The following IFT140 variants were observed in gnomAD, a reference collection of about 807,000 sequenced individuals.
IFT140 encodes the protein intraflagellar transport 140, also known as intraflagellar transport protein 140 homolog.
IFT140 carries 133 observed loss-of-function variants against 164.6 expected under a neutral mutation model. The ratio of observed to expected loss-of-function variants is 0.81; its 90% CI spans 0.70 to 0.93. The LOEUF (loss-of-function observed/expected upper bound fraction) is 0.93, where lower values mean the gene tolerates loss of function less well. IFT140 is among the 40% of genes least tolerant of loss of function. IFT140 has a pLI of 0.00. For missense variants in IFT140, 2,045 were observed against 1,972.3 expected, an observed-to-expected ratio of 1.04 and a Z score of -0.70; for synonymous variants, 860 against 817.3, an observed-to-expected ratio of 1.05 and a Z score of -0.89.
At chr16:1,541,831 CA>C in intron 19 of IFT140, 1 of 1,445,404 alleles carries the variant, frequency 6.9e-7, no homozygotes. Context: ...CTTTCCGAGG[CA>C]AACAGAGACC....
chr16:1,597,762 G>A (rs1348853473), intron 4 of IFT140, among the ~76,000 whole-genome samples: 1 of 152,108 alleles, frequency 6.6e-6, no homozygotes, highest in Non-Finnish European at 1.5e-5. Flanking sequence ...TTTTATGCCT[G>A]GATAATCTAT....
intron 13 of IFT140, among the ~76,000 whole-genome samples, chr16:1,571,999 T>C (rs1008453795): frequency 6.6e-6 from 1 of 152,148 alleles, no homozygotes; most frequent in Non-Finnish European, 1.5e-5. Flanking sequence ...TTACGTTGTG[T>C]CACGTGAATG....
At chr16:1,517,864 G>T (rs1319220773) in intron 30 of IFT140, among the ~76,000 whole-genome samples, 2 of 151,990 alleles carry the variant, frequency 1.3e-5, no homozygotes, top group East Asian at 1.9e-4. Flanking sequence ...TTGAGACAGG[G>T]TCTCGCTCTG....
At chr16:1,540,353 CACTCACG>C (rs1387607436) in intron 19 of IFT140, among the ~76,000 whole-genome samples, 1 of 152,230 alleles carries the variant, frequency 6.6e-6, no homozygotes, top group Admixed American at 6.5e-5. Context: ...ACCACGTAAA[CACTCACG>C]AAGTAAAGCA....
chr16:1,592,635 C>A (rs199728113), intron 4 of IFT140, 47 bp from the exon 5 acceptor site: 1 of 1,574,586 alleles, frequency 6.4e-7, no homozygotes, highest in Non-Finnish European at 8.6e-7. Flanking sequence ...CCCGGCAGAG[C>A]GACTGGTGGA....
rs1237873843 is a variant in IFT140, at chr16:1,571,512, A to G, written c.1547T>C (p.Leu516Pro). 1 of 1,613,202 alleles carries G rather than the reference A, an allele frequency of 6.2e-7. No homozygotes were observed. Among genetic ancestry groups the G allele is most frequent in the Non-Finnish European group, 8.5e-7 (1 of 1,179,630 alleles). ...TWQGTVKQLL[L>P]FSETEGNPCF... Reference sequence around the variant, plus strand: ...GGGATTCCCCTCAGTCTCCGAGAAAAGGAGGAGTTGTTTGACAGTCCCCTG... The same window carrying G: ...GGGATTCCCCTCAGTCTCCGAGAAAGGGAGGAGTTGTTTGACAGTCCCCTG... Residue 516 changes from leucine (L) to proline (P), a missense_variant, in exon 14 of 31, where the codon CTT (leucine) becomes CCT (proline). Transcript: ENST00000426508.
intron 4 of IFT140, among the ~76,000 whole-genome samples, chr16:1,596,313 C>T (rs925093898): frequency 2.0e-5 from 3 of 152,140 alleles, no homozygotes; most frequent in Admixed American, 2.0e-4. Flanking sequence ...CTTCACATGT[C>T]ATCTGCTAGT....
chr16:1,561,347 G>A (rs1341251718), intron 18 of IFT140, among the ~76,000 whole-genome samples: 1 of 152,244 alleles, frequency 6.6e-6, no homozygotes, highest in Admixed American at 6.5e-5. Flanking sequence ...AAGTCGCAGA[G>A]AAGGAAATAA....
rs763363588 is a variant in IFT140 at position 1,518,325 on chromosome 16, T to C, written c.4073A>G (p.Lys1358Arg). Residue 1358 changes from lysine to arginine, a missense_variant, in exon 30 of 31, where the codon AAG becomes AGG. Lys to Arg is a conservative substitution (Grantham distance 26). Transcript: ENST00000426508. ...TYTEDPKESIKQCELLLEEPD... is the reference protein window; with the variant it reads ...TYTEDPKESIRQCELLLEEPD... ...TTCCTCCAGGAGCAGCTCACACTGC[T>C]TGATGGACTCCTTGGGGTCCTCTGT... 11 of 1,614,086 alleles carry C rather than the reference T, an allele frequency of 6.8e-6. No homozygotes were observed. In the East Asian group the frequency reaches 8.9e-5, roughly 13 times the overall value.
intron 18 of IFT140, among the ~76,000 whole-genome samples, chr16:1,561,330 G>A (rs530020735): frequency 5.3e-5 from 8 of 152,360 alleles, no homozygotes; most frequent in East Asian, 1.9e-4. Flanking sequence ...TTGGAGACAC[G>A]GGGACCAAGT....
In IFT140 at chr16:1,589,679, C is replaced by A. The variant is rs765437428; in HGVS notation, c.736G>T (p.Val246Leu). 1.2e-6 allele frequency: 2 copies of A among 1,613,994 alleles called. No individual in the cohort carries two copies. The highest frequency in any genetic ancestry group is 1.3e-5 in the African/African-American group (1 of 74,892). The change falls in exon 7 of 31, where the codon GTG (valine) becomes TTG (leucine). Residue 246 changes from valine (V) to leucine (L), a missense_variant. Transcript: ENST00000426508. The part of the protein sequence containing the change: ...LFYMEKREAL[V>L]VVTENLRLSL... Reference sequence around the variant, plus strand: ...AGCCGGAGGTTCTCTGTGACCACCACCAGTGCCTCCCTCTTCTCCATGTAG... The same window carrying A: ...AGCCGGAGGTTCTCTGTGACCACCAACAGTGCCTCCCTCTTCTCCATGTAG...
At chr16:1,554,087 G>A in intron 19 of IFT140, 1 of 1,287,178 alleles carries the variant, frequency 7.8e-7, no homozygotes, top group African/African-American at 1.5e-5. Context: ...CCAGGGAGGA[G>A]GGAGGGTCTA....
At chr16:1,585,911 C>A (rs886649742) in intron 10 of IFT140, among the ~76,000 whole-genome samples, 1 of 151,990 alleles carries the variant, frequency 6.6e-6, no homozygotes, top group African/African-American at 2.4e-5. Flanking sequence ...GCTGAGGCTA[C>A]AGGCGCCCGC....
chr16:1,591,562 A>G (rs2035182333), intron 6 of IFT140, among the ~76,000 whole-genome samples: 1 of 151,980 alleles, frequency 6.6e-6, no homozygotes, highest in South Asian at 2.1e-4. Flanking sequence ...CCAGCAACCC[A>G]CACACCTGGG....
rs375965439 is a variant in IFT140, at chr16:1,607,136, T to C, written c.131A>G (p.Asp44Gly). ...YISTTSTGSV[D>G]IYLEQGECVP... ...AGCACTCACTTGCTCCAGGTAAATATCCACGCTGCCTGTTGAGGTTGTGCT... is the reference window on the plus strand; with the variant it reads ...AGCACTCACTTGCTCCAGGTAAATACCCACGCTGCCTGTTGAGGTTGTGCT... Residue 44 changes from aspartate to glycine, a missense_variant, in exon 3 of 31, where the codon GAT becomes GGT. Physicochemically the swap from Asp to Gly is moderately conservative, Grantham distance 94. Coordinates refer to ENST00000426508, the MANE Select transcript of IFT140 (RefSeq NM_014714.4). 1 of 1,614,052 alleles carries C rather than the reference T, an allele frequency of 6.2e-7. No individual in the cohort carries two copies. Among genetic ancestry groups the C allele is most frequent in the Non-Finnish European group, 8.5e-7 (1 of 1,179,998 alleles).
chr16:1,536,895 C>A (rs919893254), intron 19 of IFT140, among the ~76,000 whole-genome samples: 1 of 152,254 alleles, frequency 6.6e-6, no homozygotes, highest in Admixed American at 6.5e-5. Context: ...GGGTGAGGGG[C>A]TGCTACCTGC....
At chr16:1,515,863 A>G (rs553957549) in intron 30 of IFT140, among the ~76,000 whole-genome samples, 1 of 152,348 alleles carries the variant, frequency 6.6e-6, no homozygotes, top group East Asian at 1.9e-4. Context: ...AATCGGAATC[A>G]TAGGGAAGAA....
intron 4 of IFT140, among the ~76,000 whole-genome samples, chr16:1,597,822 A>G (rs933774434): frequency 6.6e-6 from 1 of 152,116 alleles, no homozygotes; most frequent in Non-Finnish European, 1.5e-5. Flanking sequence ...GGGTCTTGCT[A>G]TGTTGCCCAG....
At chr16:1,595,243 C>G (rs949039101) in intron 4 of IFT140, among the ~76,000 whole-genome samples, 4 of 151,922 alleles carry the variant, frequency 2.6e-5, no homozygotes, top group Non-Finnish European at 5.9e-5. Context: ...CGAGATGGCG[C>G]CACTGCACTC....
Sources: gnomAD v4.1 joint callset for allele counts (sites outside exome capture counted in the v4.1 genomes callset) on GRCh38, gnomAD v4.1.1 for gene constraint, MANE v1.5 for transcripts, NCBI Gene and HGNC (gene_info 2026-07-23, HGNC 2026-07-21) for gene names.